WTAP: variants seen among roughly 807,000 people sequenced by gnomAD.
The protein encoded by WTAP is WT1 associated protein, also known as pre-mRNA-splicing regulator WTAP.
A neutral mutation model predicts 50.0 loss-of-function variants in WTAP; 8 were observed. The observed-to-expected ratio is 0.16, with a 90% CI of 0.09 to 0.29. The LOEUF is 0.29. Among genes scored for constraint, WTAP ranks in the 10% least tolerant of loss-of-function variants. WTAP has a pLI of 1.00. For synonymous variants in WTAP, 194 were observed against 169.0 expected (o/e 1.15, Z -1.15); for missense variants, 295 against 470.7 (o/e 0.63, Z 3.45).
Position 159,755,504 on chromosome 6 carries a change from C to G in WTAP, c.1084C>G (p.Pro362Ala), listed in dbSNP as rs760633061. The change falls in exon 8 of 8, where the codon CCT becomes GCT. Residue 362 changes from proline (P) to alanine (A), a missense_variant. This residue lies in a region of WTAP where 175 missense variants were observed against 183.1 expected (regional missense o/e 0.96). Coordinates refer to ENST00000621533, the MANE Select transcript of WTAP (RefSeq NM_001270531.2). ...AAATGACACAGACTCCAGTCATGAC[C>G]CTCAAGAGGAGAAAGCAGTGAGTGG... ...QSNDTDSSHD[P>A]QEEKAVSGKG... The G allele has an allele frequency of 3.1e-6, 5 of 1,614,126 alleles. No homozygotes were observed. The highest frequency in any genetic ancestry group is 3.4e-6 in the Non-Finnish European group (4 of 1,180,018).
At chr6:159,753,421 T>C (rs755783367) in intron 6 of WTAP, 39 bp from the exon 7 acceptor site, 1 of 1,613,944 alleles carries the variant, frequency 6.2e-7, no homozygotes, top group Non-Finnish European at 8.5e-7. Flanking sequence ...ACAGAGAGTT[T>C]TGTCTTCATT....
intron 3 of WTAP, 35 bp downstream of exon 3, chr6:159,739,080 T>C: frequency 1.3e-6 from 2 of 1,511,918 alleles, no homozygotes; most frequent in Non-Finnish European, 1.8e-6. Context: ...AAAGTCTTTC[T>C]ATAGAACATT....
chr6:159,742,476 G>C (rs2114923712), intron 4 of WTAP, among the ~76,000 whole-genome samples: 1 of 152,258 alleles, frequency 6.6e-6, no homozygotes, highest in Non-Finnish European at 1.5e-5. Context: ...TTGACTTGAA[G>C]CATGAGTTAC....
chr6:159,733,960 A>G (rs1169159463), intron 1 of WTAP, among the ~76,000 whole-genome samples: 1 of 152,234 alleles, frequency 6.6e-6, no homozygotes, highest in Admixed American at 6.5e-5. Context: ...CCAGTAATCT[A>G]AGATCAATTT....
intron 1 of WTAP, among the ~76,000 whole-genome samples, chr6:159,731,597 T>C (rs1463741320): frequency 2.0e-5 from 3 of 152,248 alleles, no homozygotes; most frequent in Admixed American, 2.0e-4. Context: ...ATCCTCAACC[T>C]GTGGATTATC....
chr6:159,742,384 G>A (rs1380688739), intron 4 of WTAP, among the ~76,000 whole-genome samples: 1 of 152,122 alleles, frequency 6.6e-6, no homozygotes, highest in Non-Finnish European at 1.5e-5. Flanking sequence ...AAAATTATAT[G>A]CAAGGTTCTG....
intron 7 of WTAP, among the ~76,000 whole-genome samples, chr6:159,753,902 C>G (rs1006974022): frequency 6.6e-6 from 1 of 152,136 alleles, no homozygotes; most frequent in Non-Finnish European, 1.5e-5. Flanking sequence ...TATTACTTAA[C>G]AAGATGGACA....
rs146623701 is a variant in WTAP at position 159,732,886 on chromosome 6, A to ATAGTGTGT, written c.-8-3372_-8-3371insTAGTGTGT. ...TCTCTCTCTCTCTGTATATATATAT[A>ATAGTGTGT]GTGTGTGTGTGTGTGTGTGTGTGTG... On this transcript the variant is annotated intron_variant, in intron 1 of 7. Transcript: ENST00000621533. Among the ~76,000 whole-genome samples, 834 of 146,464 alleles carry ATAGTGTGT rather than the reference A, an allele frequency of 5.7e-3. 10 individuals carry two copies. Among genetic ancestry groups the ATAGTGTGT allele is most frequent in the African/African-American group, 0.021 (793 of 38,380 alleles).
chr6:159,755,786 T>TTTTTTTTTTTTTTTTTTC lies in WTAP; in HGVS notation c.*179_*180insTTTTTTTTTTTTTCTTTT. 9.9e-7 allele frequency: 1 copy of TTTTTTTTTTTTTTTTTTC among 1,012,990 alleles called. No individual in the cohort carries two copies. Among genetic ancestry groups the TTTTTTTTTTTTTTTTTTC allele is most frequent in the Non-Finnish European group, 1.3e-6 (1 of 786,580 alleles). The allele number at this position is 1,012,990 out of a possible 1,614,324, so 62.8% of individuals were successfully genotyped here. A position where few individuals can be genotyped will look rare whatever the true frequency, so the allele number is the denominator to read the frequency against. On this transcript the variant is annotated 3_prime_UTR_variant, in exon 8 of 8. Coordinates refer to ENST00000621533, the MANE Select transcript of WTAP (RefSeq NM_001270531.2). ...TTTTCTTTTTTTTTTTTTTTTTTTT[T>TTTTTTTTTTTTTTTTTTC]TTTTGCTTCAATACTTCTGCCGCTT...
At chr6:159,727,826 G>A (rs1186574595) in intron 1 of WTAP, 123 bp downstream of exon 1, 2 of 688,252 alleles carry the variant, frequency 2.9e-6, no homozygotes, top group African/African-American at 1.9e-5. Context: ...GGCCTGGTGC[G>A]GCACCGGTCT....
At chr6:159,742,678 A>G (rs181463611) in intron 4 of WTAP, among the ~76,000 whole-genome samples, 7 of 152,292 alleles carry the variant, frequency 4.6e-5, no homozygotes, top group Non-Finnish European at 1.5e-5. Context: ...AAACCAATAT[A>G]TATTGTTTTG....
intron 3 of WTAP, among the ~76,000 whole-genome samples, chr6:159,740,596 T>C (rs6899987): frequency 0.29 from 44,703 of 152,018 alleles, 7,403 homozygotes; most frequent in African/African-American, 0.45. Context: ...ACTACGTGTC[T>C]TAGGTTGTAA....
chr6:159,737,257 C>G (rs1778977433), intron 2 of WTAP, among the ~76,000 whole-genome samples: 1 of 152,140 alleles, frequency 6.6e-6, no homozygotes, highest in Non-Finnish European at 1.5e-5. Context: ...CCATGTTGCC[C>G]AGGCTGGTCT....
intron 6 of WTAP, chr6:159,749,049 G>T (rs1486563078): frequency 2.5e-5 from 25 of 991,952 alleles, no homozygotes; most frequent in Non-Finnish European, 2.9e-5. Context: ...TTTAGTTTGG[G>T]GCTCTATATT....
At chr6:159,738,956 G>A in intron 2 of WTAP, 34 bp from the exon 3 acceptor site, 1 of 1,546,698 alleles carries the variant, frequency 6.5e-7, no homozygotes, top group Non-Finnish European at 8.9e-7. Context: ...TCTTCAGGAA[G>A]AACACTAAAT....
Position 159,755,415 on chromosome 6 carries a change from T to C in WTAP, c.995T>C (p.Leu332Pro). Residue 332 changes from leucine to proline, a missense_variant, in exon 8 of 8, where the codon CTC becomes CCC. By Grantham distance (98) the Leu-to-Pro change is moderately conservative. Transcript: ENST00000621533. Reference protein sequence around the residue: ...GRGGSGYVNQLSAGYESVDSP... With the variant: ...GRGGSGYVNQPSAGYESVDSP... The stretch of plus-strand genomic sequence containing the variant: ...GGAGGTAGTGGTTACGTAAATCAAC[T>C]CAGTGCGGGGTATGAAAGTGTAGAC... The C allele has an allele frequency of 6.2e-7, 1 of 1,614,110 alleles. No individual in the cohort carries two copies. Among genetic ancestry groups the C allele is most frequent in the Non-Finnish European group, 8.5e-7 (1 of 1,180,018 alleles).
chr6:159,732,425 G>A (rs1340790777), intron 1 of WTAP, among the ~76,000 whole-genome samples: 3 of 152,182 alleles, frequency 2.0e-5, no homozygotes, highest in Admixed American at 2.0e-4. Context: ...GTTACGTGAA[G>A]TTCCTGGTTG....
chr6:159,755,653 G>C lies in WTAP; in HGVS notation c.*42G>C, dbSNP rs1477137426. ...TTTTATACAGTGTCATTTAATTTGG[G>C]AGAGGATACTGTCCAGAAAATTAAT... is the stretch of plus-strand genomic sequence containing the variant. On this transcript the variant is annotated 3_prime_UTR_variant, in exon 8 of 8. Transcript: ENST00000621533. 2.6e-6 allele frequency: 4 copies of C among 1,517,578 alleles called. No individual in the cohort carries two copies. The highest frequency in any genetic ancestry group is 3.5e-6 in the Non-Finnish European group (4 of 1,135,908). 94.0% of individuals were successfully genotyped at this position (1,517,578 alleles called of 1,614,324 possible). A position where few individuals can be genotyped will look rare whatever the true frequency, so the allele number is the denominator to read the frequency against.
At chr6:159,741,237 T>C (rs886662135) in intron 3 of WTAP, among the ~76,000 whole-genome samples, 16 of 152,152 alleles carry the variant, frequency 1.1e-4, no homozygotes, top group Admixed American at 7.2e-4. Context: ...TAGAGAAGTA[T>C]AATGAAGAAC....
Sources: gnomAD v4.1 joint callset for allele counts (sites outside exome capture counted in the v4.1 genomes callset) on GRCh38, gnomAD v4.1.1 for gene constraint, gnomAD v4.1.1 regional missense constraint, MANE v1.5 for transcripts, NCBI Gene and HGNC (gene_info 2026-07-23, HGNC 2026-07-21) for gene names.